STIM1: variants seen among roughly 807,000 people sequenced by gnomAD.
STIM1 encodes the protein stromal interaction molecule 1.
STIM1 carries 25 observed loss-of-function variants against 74.7 expected under a neutral mutation model. That is an observed-to-expected ratio of 0.33 (90% CI 0.24 to 0.47). The LOEUF (loss-of-function observed/expected upper bound fraction) is 0.47, where lower values mean the gene tolerates loss of function less well. STIM1 is among the 20% of genes least tolerant of loss of function. STIM1 has a pLI of 1.00. For synonymous variants in STIM1, 328 were observed against 348.8 expected (o/e 0.94, Z 0.66); for missense variants, 728 against 920.8 (o/e 0.79, Z 2.71).
intron 7 of STIM1, among the ~76,000 whole-genome samples, chr11:4,078,623 A>G (rs2094449496): frequency 6.6e-6 from 1 of 151,208 alleles, no homozygotes; most frequent in African/African-American, 2.4e-5. Context: ...GCTGGAGTGC[A>G]ATGGCACAAT....
chr11:3,916,275 C>A (rs2092640936), intron 1 of STIM1, among the ~76,000 whole-genome samples: 1 of 150,370 alleles, frequency 6.7e-6, no homozygotes, highest in Non-Finnish European at 1.5e-5. Flanking sequence ...GTGTGCCAAT[C>A]CAGTCAGTAA....
chr11:4,058,303 C>G (rs1486195563), intron 4 of STIM1, among the ~76,000 whole-genome samples: 1 of 152,190 alleles, frequency 6.6e-6, no homozygotes, highest in Non-Finnish European at 1.5e-5. Flanking sequence ...ACCACTCCCA[C>G]ACCCCATCAC....
At chr11:3,937,323 A>T (rs1329812579) in intron 1 of STIM1, among the ~76,000 whole-genome samples, 1 of 104,392 alleles carries the variant, frequency 9.6e-6, no homozygotes, top group Admixed American at 9.4e-5. Flanking sequence ...ATAATAAAAT[A>T]TCTGGAATGA....
chr11:4,069,565 C>T (rs2094390565), intron 5 of STIM1, among the ~76,000 whole-genome samples: 1 of 152,208 alleles, frequency 6.6e-6, no homozygotes, highest in African/African-American at 2.4e-5. Context: ...TGACTTCAGT[C>T]CTACAGCCAG....
At chr11:3,869,379 T>C (rs1333004970) in intron 1 of STIM1, among the ~76,000 whole-genome samples, 1 of 152,234 alleles carries the variant, frequency 6.6e-6, no homozygotes, top group Admixed American at 6.5e-5. Flanking sequence ...GCAATCTTGG[T>C]TCAGTGCCCT....
chr11:4,016,224 G>A (rs1167818686), intron 2 of STIM1, among the ~76,000 whole-genome samples: 1 of 152,152 alleles, frequency 6.6e-6, no homozygotes, highest in Non-Finnish European at 1.5e-5. Flanking sequence ...TACAGATGGG[G>A]TTTTGGTGTG....
chr11:3,858,231 AG>A lies in STIM1; in HGVS notation c.139+1824del, dbSNP rs1477890676. Among the ~76,000 whole-genome samples the A allele has an allele frequency of 2.3e-4, 32 of 141,550 alleles. No homozygotes were observed. In the East Asian group the frequency reaches 5.4e-3, roughly 24 times the overall value. 92.9% of individuals were successfully genotyped at this position (141,550 alleles called of 152,430 possible). On this transcript the variant is annotated intron_variant, in intron 1 of 12. Coordinates refer to ENST00000526596, the MANE Select transcript of STIM1 (RefSeq NM_001382567.1). ...TGTAGACATTGGCTGGCTATTAGGA[AG>A]GTTTTTTTTTTTTTGTTTTTTGTTT...
chr11:3,858,615 CAA>C (rs1052799497), intron 1 of STIM1, among the ~76,000 whole-genome samples: 2 of 152,158 alleles, frequency 1.3e-5, no homozygotes, highest in Admixed American at 6.5e-5. Flanking sequence ...CTGGGATCTG[CAA>C]AAGAGTTTGG....
intron 1 of STIM1, chr11:3,903,578 G>A (rs1286544035): frequency 6.6e-6 from 1 of 152,196 alleles, no homozygotes; most frequent in Non-Finnish European, 1.5e-5. Flanking sequence ...TATTGAACAG[G>A]CTGTACCAGG....
At chr11:3,981,892 G>C (rs1460482919) in intron 2 of STIM1, among the ~76,000 whole-genome samples, 1 of 152,226 alleles carries the variant, frequency 6.6e-6, no homozygotes, top group African/African-American at 2.4e-5. Context: ...CTATGTAGTA[G>C]AGCAAAAGTA....
intron 2 of STIM1, among the ~76,000 whole-genome samples, chr11:3,982,002 C>CT (rs1024806759): frequency 6.6e-6 from 1 of 151,876 alleles, no homozygotes; most frequent in Non-Finnish European, 1.5e-5. Flanking sequence ...TCTTTCTTTT[C>CT]TTTTTGTTTC....
chr11:3,883,923 C>G (rs1307397164), intron 1 of STIM1, among the ~76,000 whole-genome samples: 2 of 152,066 alleles, frequency 1.3e-5, no homozygotes, highest in African/African-American at 4.8e-5. Context: ...GTGCCAGAAA[C>G]TCTGCTTGGT....
chr11:3,933,521 T>A (rs940427018), intron 1 of STIM1, among the ~76,000 whole-genome samples: 1 of 152,210 alleles, frequency 6.6e-6, no homozygotes, highest in Non-Finnish European at 1.5e-5. Flanking sequence ...TGTTTCCCAA[T>A]GTAGTTACAG....
At chr11:4,025,250 T>G (rs1465283537) in intron 3 of STIM1, among the ~76,000 whole-genome samples, 1 of 152,204 alleles carries the variant, frequency 6.6e-6, no homozygotes, top group Non-Finnish European at 1.5e-5. Context: ...TAATCTATAT[T>G]GTAGATGGGG....
intron 3 of STIM1, among the ~76,000 whole-genome samples, chr11:4,027,222 C>T (rs181601094): frequency 5.9e-5 from 9 of 152,162 alleles, no homozygotes; most frequent in Non-Finnish European, 8.8e-5. Context: ...TATGGAAGAA[C>T]TGGTAAAGCA....
intron 7 of STIM1, among the ~76,000 whole-genome samples, chr11:4,076,412 G>A (rs377004579): frequency 4.3e-5 from 6 of 139,776 alleles, no homozygotes; most frequent in African/African-American, 1.6e-4. Flanking sequence ...CTTGAGCTTG[G>A]GAGGTGGAGG....
chr11:3,877,463 T>C (rs922748195), intron 1 of STIM1, among the ~76,000 whole-genome samples: 2 of 152,128 alleles, frequency 1.3e-5, no homozygotes, highest in African/African-American at 4.8e-5. Context: ...ACTTAGCTGA[T>C]TTGCATGGGC....
chr11:3,895,659 TTTC>T (rs2092062443), intron 1 of STIM1, among the ~76,000 whole-genome samples: 1 of 26,138 alleles, frequency 3.8e-5, no homozygotes, highest in South Asian at 2.0e-3. Flanking sequence ...TCTTTCTTTC[TTTC>T]TTTCTTTCTT....
chr11:4,024,037 G>A, intron 3 of STIM1, 50 bp downstream of exon 3: 1 of 1,504,838 alleles, frequency 6.6e-7, no homozygotes, highest in Non-Finnish European at 9.2e-7. Flanking sequence ...GTTTAGAGAA[G>A]AGAGAAGCAG....
Sources: allele counts gnomAD v4.1 joint callset (sites outside exome capture counted in the v4.1 genomes callset), GRCh38; gene constraint gnomAD v4.1.1; transcripts MANE v1.5; gene names NCBI Gene and HGNC (gene_info 2026-07-23, HGNC 2026-07-21).